YEATS4: variants seen among roughly 807,000 people sequenced by gnomAD.
The protein encoded by YEATS4 is YEATS domain containing 4.
YEATS4 carries 17 observed loss-of-function variants against 30.1 expected under a neutral mutation model. The ratio of observed to expected loss-of-function variants is 0.56; its 90% confidence interval spans 0.39 to 0.85. The LOEUF (loss-of-function observed/expected upper bound fraction) is 0.85. YEATS4 is among the 40% of genes least tolerant of loss of function. The pLI is 0.00. For synonymous variants in YEATS4, 85 were observed against 87.5 expected (o/e 0.97, Z 0.16); for missense variants, 142 against 268.3 (o/e 0.53, Z 3.29).
intron 6 of YEATS4, among the ~76,000 whole-genome samples, chr12:69,371,748 T>C (rs528158550): frequency 6.6e-6 from 1 of 152,256 alleles, no homozygotes; most frequent in East Asian, 1.9e-4. Context: ...AAAACAGGTA[T>C]TAAATAAACA....
chr12:69,359,982 A>G lies in YEATS4; in HGVS notation c.10A>G (p.Arg4Gly). Residue 4 changes from arginine (R) to glycine (G), a missense_variant, in exon 1 of 7, where the codon AGA becomes GGA. Arg to Gly is a moderately radical substitution (Grantham distance 125). Transcript: ENST00000247843. MFK[R>G]MAEFGPDSGG... ...TCTTCCGTGGGACAATATGTTCAAGAGAATGGCCGAATTTGGGCCTGACTC... is the reference window on the plus strand; with the variant it reads ...TCTTCCGTGGGACAATATGTTCAAGGGAATGGCCGAATTTGGGCCTGACTC... The G allele has an allele frequency of 6.2e-7, 1 of 1,613,500 alleles. No homozygotes were observed. The highest frequency in any genetic ancestry group is 1.1e-5 in the South Asian group (1 of 91,028).
the YEATS4 span, among the ~76,000 whole-genome samples, chr12:69,421,455 C>T: frequency 5.1e-4 from 77 of 152,100 alleles, no homozygotes; most frequent in African/African-American, 1.7e-3. Context: ...ACTGCAAATT[C>T]GTATTCACAT....
the YEATS4 span, among the ~76,000 whole-genome samples, chr12:69,419,615 G>T: frequency 3.3e-4 from 50 of 152,190 alleles, no homozygotes; most frequent in African/African-American, 1.2e-3. Flanking sequence ...GCCAGGCCCC[G>T]GCTTAGTACC....
At chr12:69,405,155 T>A in the YEATS4 span, among the ~76,000 whole-genome samples, 9 of 152,150 alleles carry the variant, frequency 5.9e-5, no homozygotes, top group Non-Finnish European at 1.3e-4. Context: ...CCTCTAAACT[T>A]TTGTAATTGA....
chr12:69,386,773 A>G (rs192534171), intron 6 of YEATS4, among the ~76,000 whole-genome samples: 70 of 152,308 alleles, frequency 4.6e-4, no homozygotes, highest in Non-Finnish European at 8.5e-4. Context: ...AACATACAGT[A>G]GTCCCCCTTT....
intron 6 of YEATS4, among the ~76,000 whole-genome samples, chr12:69,387,869 CTACTCTT>C (rs1209310976): frequency 2.6e-5 from 4 of 152,266 alleles, no homozygotes; most frequent in South Asian, 4.1e-4. Flanking sequence ...TTTTCACTGT[CTACTCTT>C]TAATCTTTTA....
chr12:69,365,508 A>G (rs1875392996), intron 2 of YEATS4, 125 bp from the exon 3 acceptor site: 1 of 689,464 alleles, frequency 1.5e-6, no homozygotes, highest in Admixed American at 3.3e-5. Flanking sequence ...TTTTTTAGAA[A>G]ATTAGATTCC....
the YEATS4 span, among the ~76,000 whole-genome samples, chr12:69,407,412 G>A: frequency 6.6e-6 from 1 of 151,990 alleles, no homozygotes. Context: ...TGAAAAATGG[G>A]CCTGTATTTT....
chr12:69,417,856 G>GGAAAAAAAAAAAAAAAAAAAAA, the YEATS4 span, among the ~76,000 whole-genome samples: 2 of 101,980 alleles, frequency 2.0e-5, no homozygotes, highest in Non-Finnish European at 1.9e-5. Flanking sequence ...TTACAATAGG[G>GGAAAAAAAAAAAAAAAAAAAAA]AAAAAAAAAA....
chr12:69,406,557 T>A, the YEATS4 span, among the ~76,000 whole-genome samples: 1 of 152,032 alleles, frequency 6.6e-6, no homozygotes, highest in East Asian at 1.9e-4. Context: ...ATTTTATTGT[T>A]TTGCTTTGCA....
chr12:69,378,537 T>A (rs1385577587), intron 6 of YEATS4, among the ~76,000 whole-genome samples: 1 of 152,168 alleles, frequency 6.6e-6, no homozygotes, highest in Non-Finnish European at 1.5e-5. Context: ...GTTTCTCTTT[T>A]ATGTTTCTAG....
intron 6 of YEATS4, among the ~76,000 whole-genome samples, chr12:69,375,631 G>A (rs1000552231): frequency 9.9e-5 from 15 of 152,166 alleles, no homozygotes; most frequent in African/African-American, 3.1e-4. Context: ...CTGAGTGAGC[G>A]AGACTCCGTC....
At position 69,390,731 on chromosome 12, in the gene YEATS4, GC is replaced by G. The variant is rs1233716179; in HGVS notation, c.*420del. On this transcript the variant is annotated 3_prime_UTR_variant, in exon 7 of 7. Transcript: ENST00000247843. ...ATTTAATTTCTTCAAGTTCTTACCT[GC>G]CCCCATCCTTTTTTGTATATGATGT... 1 of 152,624 alleles carries G rather than the reference GC, an allele frequency of 6.6e-6. No individual in the cohort carries two copies. The highest frequency in any genetic ancestry group is 1.5e-5 in the Non-Finnish European group (1 of 68,356). 9.5% of individuals were successfully genotyped at this position (152,624 alleles called of 1,614,324 possible). A position where few individuals can be genotyped will look rare whatever the true frequency, so the allele number is the denominator to read the frequency against.
chr12:69,395,399 G>A (rs982056590), downstream of YEATS4, among the ~76,000 whole-genome samples: 2 of 152,140 alleles, frequency 1.3e-5, no homozygotes, highest in Non-Finnish European at 2.9e-5. Context: ...CTCTGTGGTT[G>A]TCAAAATGAA....
chr12:69,395,813 C>T (rs1868347779), downstream of YEATS4, among the ~76,000 whole-genome samples: 1 of 152,106 alleles, frequency 6.6e-6, no homozygotes, highest in Non-Finnish European at 1.5e-5. Context: ...AAGGGACTTA[C>T]GGGTAAGGTC....
At chr12:69,399,154 A>AAAAC in the YEATS4 span, among the ~76,000 whole-genome samples, 81 of 152,266 alleles carry the variant, frequency 5.3e-4, no homozygotes, top group African/African-American at 1.8e-3. Flanking sequence ...CCCCCCCAAA[A>AAAAC]AAACAAACAA....
At chr12:69,426,545 A>G in the YEATS4 span, among the ~76,000 whole-genome samples, 1 of 151,948 alleles carries the variant, frequency 6.6e-6, no homozygotes, top group Non-Finnish European at 1.5e-5. Context: ...TAATTTTTGT[A>G]CTTTTAGTAG....
the YEATS4 span, among the ~76,000 whole-genome samples, chr12:69,420,412 AG>A: frequency 6.6e-6 from 1 of 151,366 alleles, no homozygotes; most frequent in African/African-American, 2.4e-5. Flanking sequence ...GGTTAGGGGG[AG>A]GGGGACAGAG....
chr12:69,414,178 T>G, the YEATS4 span, among the ~76,000 whole-genome samples: 4 of 152,370 alleles, frequency 2.6e-5, no homozygotes, highest in East Asian at 7.7e-4. Flanking sequence ...AACTCAAATA[T>G]CTAAGCAACG....
Sources: allele counts gnomAD v4.1 joint callset (sites outside exome capture counted in the v4.1 genomes callset), GRCh38; gene constraint gnomAD v4.1.1; transcripts MANE v1.5; gene names NCBI Gene and HGNC (gene_info 2026-07-23, HGNC 2026-07-21).